The following RUNX1T1 variants were observed in gnomAD, a reference collection of about 807,000 sequenced individuals.
RUNX1T1 encodes RUNX1 partner transcriptional co-repressor 1, also known as protein CBFA2T1.
RUNX1T1 carries 4 observed loss-of-function variants against 62.8 expected under a neutral mutation model. That is an observed-to-expected ratio of 0.06 (90% confidence interval 0.03 to 0.15). The LOEUF (loss-of-function observed/expected upper bound fraction) is 0.15. Ranked by LOEUF, RUNX1T1 falls within the 10% of genes least tolerant of loss-of-function variation. The probability of loss-of-function intolerance (pLI) is 1.00; values close to 1 mark genes in which losing one functional copy is unlikely to be tolerated. For missense variants in RUNX1T1, 508 were observed against 754.3 expected (o/e 0.67, Z 3.82); for synonymous variants, 291 against 286.0 (o/e 1.02, Z -0.18).
At chr8:92,084,633 G>GA (rs1835811189) in intron 1 of RUNX1T1, among the ~76,000 whole-genome samples, 1 of 152,178 alleles carries the variant, frequency 6.6e-6, no homozygotes, top group Non-Finnish European at 1.5e-5. Context: ...AGAGAAGTCT[G>GA]AATTGCACGG....
At chr8:92,056,718 G>A (rs1831100250) in intron 1 of RUNX1T1, among the ~76,000 whole-genome samples, 1 of 151,916 alleles carries the variant, frequency 6.6e-6, no homozygotes, top group Non-Finnish European at 1.5e-5. Flanking sequence ...AGGAGCTCCT[G>A]GGGGCAGAGC....
At chr8:92,048,339 G>A (rs552934750) in intron 1 of RUNX1T1, among the ~76,000 whole-genome samples, 3 of 152,140 alleles carry the variant, frequency 2.0e-5, no homozygotes, top group South Asian at 4.1e-4. Context: ...TGTATGCAAC[G>A]TGATTTGACA....
At chr8:92,033,012 CTTCAATTAATA>C (rs757379360) in intron 1 of RUNX1T1, among the ~76,000 whole-genome samples, 3 of 151,932 alleles carry the variant, frequency 2.0e-5, no homozygotes, top group Non-Finnish European at 4.4e-5. Context: ...TAAATTGGCA[CTTCAATTAATA>C]TACTTTTCTA....
intron 9 of RUNX1T1, among the ~76,000 whole-genome samples, chr8:91,973,718 A>C (rs576617760): frequency 2.6e-5 from 4 of 152,058 alleles, no homozygotes; most frequent in Non-Finnish European, 4.4e-5. Context: ...TGGTGTTTTC[A>C]TCATGTTGGA....
At chr8:92,008,220 C>CA (rs1237612634) in intron 4 of RUNX1T1, among the ~76,000 whole-genome samples, 1 of 151,786 alleles carries the variant, frequency 6.6e-6, no homozygotes, top group Non-Finnish European at 1.5e-5. Context: ...AATGAGGAGA[C>CA]AAAAAACAGT....
At chr8:91,983,053 G>A (rs773415351) in intron 8 of RUNX1T1, among the ~76,000 whole-genome samples, 5 of 148,110 alleles carry the variant, frequency 3.4e-5, no homozygotes, top group Admixed American at 1.4e-4. Flanking sequence ...TCAGCCTCCC[G>A]AGTAGCTGGG....
intron 5 of RUNX1T1, among the ~76,000 whole-genome samples, chr8:91,992,292 G>A (rs1586867428): frequency 6.6e-6 from 1 of 152,278 alleles, no homozygotes; most frequent in Admixed American, 6.5e-5. Context: ...CTCTCTTGAT[G>A]AACACTTAAG....
intron 1 of RUNX1T1, among the ~76,000 whole-genome samples, chr8:92,060,551 ATATGTGTGTGTGTGTG>A (rs1381544186): frequency 7.3e-5 from 7 of 95,328 alleles, no homozygotes; most frequent in Admixed American, 2.2e-4. Context: ...ATATATATAT[ATATGTGTGTGTGTGTG>A]TGTGTGTGTG....
chr8:91,958,041 T>G (rs1368651595), downstream of RUNX1T1: 1 of 211,780 alleles, frequency 4.7e-6, no homozygotes, highest in Non-Finnish European at 9.6e-6. Context: ...ATTGCCTCTA[T>G]GCAGATACTT....
intron 4 of RUNX1T1, 195 bp from the exon 6 acceptor site, chr8:92,005,492 GGT>G (rs1563734324): frequency 1.8e-6 from 1 of 543,618 alleles, no homozygotes; most frequent in African/African-American, 2.0e-5. Context: ...CTAAGTGTGA[GGT>G]GACTGACCCT....
At chr8:91,955,857 ACT>A (rs1234780203), downstream of RUNX1T1, 3 of 228,236 alleles carry the variant, frequency 1.3e-5, no homozygotes. Context: ...TGTTTTTCAA[ACT>A]CTAACAAACT....
intron 1 of RUNX1T1, among the ~76,000 whole-genome samples, chr8:92,022,238 T>C (rs571608147): frequency 5.3e-5 from 8 of 152,234 alleles, no homozygotes; most frequent in Admixed American, 3.9e-4. Context: ...TTCAAAGATA[T>C]CAAATTTCAT....
intron 1 of RUNX1T1, among the ~76,000 whole-genome samples, chr8:92,038,375 C>T (rs185901585): frequency 6.6e-5 from 10 of 151,780 alleles, no homozygotes; most frequent in Admixed American, 2.6e-4. Flanking sequence ...TTTAAAAGGA[C>T]AATGGAGAGT....
rs988911965 is a variant in RUNX1T1, at chr8:91,985,004, A to G, written c.1198+1120T>C. On this transcript the variant is annotated intron_variant, in intron 8 of 10. Coordinates refer to ENST00000396218, the Ensembl canonical transcript of RUNX1T1. ...AAATCTACAAACCTAAGTGCATAGG[A>G]AACTACACTGGCTGGGAACAAATTG... 2.6e-5 allele frequency among the ~76,000 whole-genome samples: 4 copies of G among 152,340 alleles called. No individual in the cohort carries two copies. In the South Asian group the frequency reaches 8.3e-4, roughly 32 times the overall value.
chr8:92,086,241 CCTT>C (rs1338954913), intron 1 of RUNX1T1, among the ~76,000 whole-genome samples: 7 of 152,334 alleles, frequency 4.6e-5, no homozygotes, highest in Admixed American at 4.6e-4. Flanking sequence ...TACCTTCTCT[CCTT>C]CTTACCATGT....
upstream of RUNX1T1, among the ~76,000 whole-genome samples, chr8:92,066,824 A>T (rs546027690): frequency 6.6e-6 from 1 of 152,240 alleles, no homozygotes; most frequent in African/African-American, 2.4e-5. Flanking sequence ...AGTGGGATAG[A>T]GGGGGAAAGA....
At chr8:91,992,938 G>C (rs1817958828) in intron 5 of RUNX1T1, among the ~76,000 whole-genome samples, 1 of 152,160 alleles carries the variant, frequency 6.6e-6, no homozygotes, top group African/African-American at 2.4e-5. Flanking sequence ...CTACTGCATA[G>C]AGACTAGCCC....
chr8:92,009,864 T>C (rs532555731), intron 4 of RUNX1T1: 1 of 152,268 alleles, frequency 6.6e-6, no homozygotes, highest in East Asian at 1.9e-4. Context: ...AAGAATATAA[T>C]TGTAATCTGG....
intron 1 of RUNX1T1, among the ~76,000 whole-genome samples, chr8:92,050,851 TTCTAGCAATGGAC>T (rs1445844241): frequency 6.6e-6 from 1 of 152,166 alleles, no homozygotes; most frequent in African/African-American, 2.4e-5. Flanking sequence ...AATCCCCAAC[TTCTAGCAATGGAC>T]TGGCCCCTGA....
Sources: allele counts gnomAD v4.1 joint callset (sites outside exome capture counted in the v4.1 genomes callset), GRCh38; gene constraint gnomAD v4.1.1; transcripts MANE v1.5; gene names NCBI Gene and HGNC (gene_info 2026-07-23, HGNC 2026-07-21).